DCHS2: variants seen among roughly 807,000 people sequenced by gnomAD.
DCHS2 encodes the protein protocadherin-23.
DCHS2 carries 142 observed loss-of-function variants against 182.4 expected under a neutral mutation model. That is an observed-to-expected ratio of 0.78 (90% confidence interval 0.68 to 0.89). The LOEUF is 0.89. Ranked by LOEUF, DCHS2 falls within the 40% of genes least tolerant of loss-of-function variation. The probability of loss-of-function intolerance (pLI) is 0.00; values close to 1 mark genes in which losing one functional copy is unlikely to be tolerated. For missense variants in DCHS2, 4,319 were observed against 4,198.6 expected, an observed-to-expected ratio of 1.03 and a Z score of -0.79; for synonymous variants, 1,740 against 1,663.3, an observed-to-expected ratio of 1.05 and a Z score of -1.12.
At position 154,305,220 on chromosome 4, in the gene DCHS2, T is replaced by G. The variant is rs1735395886; in HGVS notation, c.5272A>C (p.Lys1758Gln). 6.2e-7 allele frequency: 1 copy of G among 1,607,312 alleles called. No homozygotes were observed. Among genetic ancestry groups the G allele is most frequent in the African/African-American group, 1.3e-5 (1 of 74,570 alleles). Residue 1758 changes from lysine to glutamine, a missense_variant, in exon 11 of 20, where the codon AAG (lysine) becomes CAG (glutamine). Lys to Gln is a moderately conservative substitution (Grantham distance 53). Transcript: ENST00000357232. ...CCTGGCATGATTTCAAACTGAAGCT[T>G]GGAATTGACTCCTTAAGAAAAATAT... ...ALDRDSGVNS[K>Q]LQFEIMPGAS...
At chr4:154,243,985 CT>C (rs1731957398) in intron 16 of DCHS2, among the ~76,000 whole-genome samples, 1 of 152,306 alleles carries the variant, frequency 6.6e-6, no homozygotes, top group Admixed American at 6.5e-5. Flanking sequence ...TTCACATAAA[CT>C]TTTTTGTTCT....
chr4:154,329,178 A>G (rs74890724), intron 6 of DCHS2, among the ~76,000 whole-genome samples: 4,770 of 152,256 alleles, frequency 0.031, 270 homozygotes, highest in African/African-American at 0.11. Flanking sequence ...ACATGTATCA[A>G]TTGCCGTTAA....
intron 10 of DCHS2, among the ~76,000 whole-genome samples, chr4:154,314,101 C>G (rs1735763829): frequency 6.6e-6 from 1 of 152,040 alleles, no homozygotes; most frequent in African/African-American, 2.4e-5. Context: ...TAGTAGAATC[C>G]ATTACAAAAA....
intron 1 of DCHS2, among the ~76,000 whole-genome samples, chr4:154,459,741 TC>T (rs1212085947): frequency 5.6e-4 from 4 of 7,146 alleles, no homozygotes; most frequent in African/African-American, 6.9e-4. Context: ...ACATTCTCTC[TC>T]TCTCTCTCTC....
intron 1 of DCHS2, among the ~76,000 whole-genome samples, chr4:154,389,465 G>T (rs1731570662): frequency 7.5e-6 from 1 of 132,682 alleles, no homozygotes. Context: ...TCACAGACAG[G>T]TTTACTATCC....
intron 7 of DCHS2, among the ~76,000 whole-genome samples, chr4:154,325,868 A>G (rs2111347510): frequency 6.6e-6 from 1 of 152,358 alleles, no homozygotes; most frequent in South Asian, 2.1e-4. Flanking sequence ...AAGCAATGCA[A>G]TGAACTCAAA....
chr4:154,367,791 G>GATTTGGC (rs1389171174), intron 2 of DCHS2, among the ~76,000 whole-genome samples: 3 of 152,074 alleles, frequency 2.0e-5, no homozygotes, highest in Non-Finnish European at 4.4e-5. Context: ...GGAGGAAGAA[G>GATTTGGC]ATTTGGCAAG....
intron 1 of DCHS2, among the ~76,000 whole-genome samples, chr4:154,418,964 A>G (rs893301596): frequency 6.6e-6 from 1 of 152,238 alleles, no homozygotes; most frequent in African/African-American, 2.4e-5. Flanking sequence ...AATGCTTCAT[A>G]TTTGACATTT....
intron 1 of DCHS2, among the ~76,000 whole-genome samples, chr4:154,427,768 C>T (rs1455969251): frequency 2.0e-5 from 3 of 152,112 alleles, no homozygotes; most frequent in Non-Finnish European, 4.4e-5. Context: ...TCTGAAGACT[C>T]CTTCTACCAC....
At chr4:154,422,464 T>C (rs2110917333) in intron 1 of DCHS2, among the ~76,000 whole-genome samples, 1 of 152,286 alleles carries the variant, frequency 6.6e-6, no homozygotes, top group East Asian at 1.9e-4. Context: ...ATTCAAAATA[T>C]ATCCTGAAAC....
intron 2 of DCHS2, among the ~76,000 whole-genome samples, chr4:154,372,729 T>G (rs1188365434): frequency 1.3e-5 from 2 of 152,208 alleles, no homozygotes; most frequent in African/African-American, 4.8e-5. Context: ...ATTGTTTGGT[T>G]ACATTATGTA....
chr4:154,342,713 C>T (rs72723348), intron 3 of DCHS2, among the ~76,000 whole-genome samples: 2,287 of 152,236 alleles, frequency 0.015, 32 homozygotes, highest in Non-Finnish European at 0.018. Flanking sequence ...ATGTCTCTTG[C>T]TATTTTTACC....
At chr4:154,476,187 T>C (rs569501318) in intron 1 of DCHS2, among the ~76,000 whole-genome samples, 1 of 152,334 alleles carries the variant, frequency 6.6e-6, no homozygotes, top group African/African-American at 2.4e-5. Flanking sequence ...GAGAAATATA[T>C]ATGCTTTTTA....
rs202067618 is a variant in DCHS2, at chr4:154,234,564, A to T, written c.10088T>A (p.Leu3363His). The change falls in exon 20 of 20, where the codon CTT (leucine) becomes CAT (histidine). Residue 3363 changes from leucine to histidine, a missense_variant. Transcript: ENST00000357232. ...GTHISGTCHELKAEDEVQI is the reference protein window; with the variant it reads ...GTHISGTCHEHKAEDEVQI ...TATTTGAACTTCATCTTCTGCTTTA[A>T]GTTCATGGCATGTACCACTGATGTG... is the stretch of plus-strand genomic sequence containing the variant. 50 of 1,612,422 alleles carry T rather than the reference A, an allele frequency of 3.1e-5. No homozygotes were observed. Among genetic ancestry groups the T allele is most frequent in the Non-Finnish European group, 4.2e-5 (49 of 1,179,180 alleles).
At chr4:154,400,866 CA>C (rs1732146036) in intron 1 of DCHS2, among the ~76,000 whole-genome samples, 1 of 152,178 alleles carries the variant, frequency 6.6e-6, no homozygotes, top group Non-Finnish European at 1.5e-5. Context: ...CAACTGCATG[CA>C]GTTCCAGAAA....
Position 154,255,526 on chromosome 4 carries a change from A to G in DCHS2, c.6934T>C (p.Ser2312Pro). Reference sequence around the variant, plus strand: ...TCTGAACCCTGGACCAACCTGTAGGAGCTGGTGAGCTCGTAATCTAGAATC... The same window carrying G: ...TCTGAACCCTGGACCAACCTGTAGGGGCTGGTGAGCTCGTAATCTAGAATC... ...KAILDYELTS[S>P]YSLIVQATDK... Residue 2312 changes from serine (S) to proline (P), a missense_variant, in exon 16 of 20, where the codon TCC becomes CCC. By Grantham distance (74) the Ser-to-Pro change is moderately conservative (BLOSUM62 -1). Transcript: ENST00000357232. 6.2e-7 allele frequency: 1 copy of G among 1,613,576 alleles called. No homozygotes were observed. The highest frequency in any genetic ancestry group is 2.2e-5 in the East Asian group (1 of 44,844).
chr4:154,491,239 G>A lies in DCHS2; in HGVS notation c.117C>T (p.Ser39=). Residue 39 remains serine (S), a synonymous_variant, in exon 1 of 20, where the codon AGC becomes AGT. Coordinates refer to ENST00000357232, the MANE Select transcript of DCHS2 (RefSeq NM_001358235.2). ...GCAGGGAGCGCTGCGTCCTGGCGCC[G>A]CTGCTGCCTGACCGCCCATGGGGTG... is the stretch of plus-strand genomic sequence containing the variant. ...RDTPHGRSGS[S]GARTQRSLLW... 5.2e-6 allele frequency: 8 copies of A among 1,551,454 alleles called. No individual in the cohort carries two copies. Among genetic ancestry groups the A allele is most frequent in the Non-Finnish European group, 5.2e-6 (6 of 1,146,988 alleles).
Position 154,489,608 on chromosome 4 carries a change from AG to A in DCHS2, c.1747del (p.Leu583SerfsTer39). On this transcript the variant is annotated frameshift_variant, in exon 1 of 20. Transcript: ENST00000357232. LOFTEE classifies it high-confidence loss of function. Reference sequence around the variant, plus strand: ...GGAGCCGAGATTGCAGGGAGCCGAGAGTTGGACTACAGTGTAGCGCAGCCAG... The same window carrying A: ...GGAGCCGAGATTGCAGGGAGCCGAGATTGGACTACAGTGTAGCGCAGCCAG... Reference protein sequence around the residue: ...HAWLRYTVVQLSAPCNLGSLQ... With the variant: ...HAWLRYTVVQXSAPCNLGSLQ... 6.4e-7 allele frequency: 1 copy of A among 1,550,602 alleles called. No individual in the cohort carries two copies. Among genetic ancestry groups the A allele is most frequent in the Non-Finnish European group, 8.7e-7 (1 of 1,146,106 alleles).
chr4:154,485,936 C>T lies in DCHS2; in HGVS notation c.2052+3368G>A, dbSNP rs534380377. ...TTAATCTTTTTGACAGTTATCTGAG[C>T]GAAAATGGAATCTTTCAGGCCAAAC... On this transcript the variant is annotated intron_variant, in intron 1 of 19. Transcript: ENST00000357232. Among the ~76,000 whole-genome samples the T allele has an allele frequency of 3.4e-4, 52 of 152,190 alleles. 1 individual carries two copies. Among genetic ancestry groups the T allele is most frequent in the African/African-American group, 1.0e-3 (43 of 41,506 alleles).
Sources: gnomAD v4.1 joint callset for allele counts (sites outside exome capture counted in the v4.1 genomes callset) on GRCh38, gnomAD v4.1.1 for gene constraint, MANE v1.5 for transcripts, NCBI Gene and HGNC (gene_info 2026-07-23, HGNC 2026-07-21) for gene names.